The following TNPO2 variants were observed in gnomAD, a reference collection of about 807,000 sequenced individuals.
TNPO2 encodes transportin 2, also known as transportin-2.
Under a neutral mutation model 111.1 loss-of-function variants are expected in TNPO2, and 16 were observed. The observed-to-expected ratio is 0.14, with a 90% CI of 0.10 to 0.22. TNPO2 has a LOEUF of 0.22. Ranked by LOEUF, TNPO2 falls within the 10% of genes least tolerant of loss-of-function variation. The pLI, the probability that TNPO2 is intolerant of heterozygous loss-of-function variation, is 1.00. For synonymous variants in TNPO2, 481 were observed against 475.8 expected (o/e 1.01, Z -0.14); for missense variants, 530 against 1,173.7 (o/e 0.45, Z 8.01).
rs762836188 is a variant in TNPO2 at position 12,706,543 on chromosome 19, G to T, written c.1496+27C>A. ...AGAGGGTGGCCGGGGGAGAGTGGGGGCTGTGGGATCAGGGGTCCAGGGTCA... is the reference window on the plus strand; with the variant it reads ...AGAGGGTGGCCGGGGGAGAGTGGGGTCTGTGGGATCAGGGGTCCAGGGTCA... On this transcript the variant is annotated intron_variant, in intron 14 of 25. Transcript: ENST00000425528. This position sits in a 1 kb window ranked among gnomAD's most constrained non-coding sequence, Gnocchi z 7.0. 1 of 1,610,070 alleles carries T rather than the reference G, an allele frequency of 6.2e-7. No individual in the cohort carries two copies. The highest frequency in any genetic ancestry group is 1.1e-5 in the South Asian group (1 of 90,992).
At position 12,705,546 on chromosome 19, in the gene TNPO2, C is replaced by T. The variant is rs751911751; in HGVS notation, c.1809G>A (p.Glu603=). 9.3e-6 allele frequency: 15 copies of T among 1,605,908 alleles called. No homozygotes were observed. Among genetic ancestry groups the T allele is most frequent in the Non-Finnish European group, 1.3e-5 (15 of 1,176,874 alleles). ...ALQSGFLPYC[E]PVYQRCVTLV... is the part of the protein sequence containing the mutation. ...GGGTGACACAGCGCTGGTAGACGGG[C>T]TCACAGTAAGGCAGGAAGCCACTCT... The change falls in exon 17 of 26, where the codon GAG becomes GAA. Residue 603 remains glutamate (E), a synonymous_variant. Coordinates refer to ENST00000425528, the MANE Select transcript of TNPO2 (RefSeq NM_001382241.1). The surrounding 1 kb of genome is among the most constrained non-coding windows in gnomAD (Gnocchi z 7.2).
At position 12,706,873 on chromosome 19, in the gene TNPO2, G is replaced by A. The variant is rs549106214; in HGVS notation, c.1271-78C>T. On this transcript the variant is annotated intron_variant, in intron 13 of 25. Coordinates refer to ENST00000425528, the MANE Select transcript of TNPO2 (RefSeq NM_001382241.1). The surrounding 1 kb of genome is among the most constrained non-coding windows in gnomAD (Gnocchi z 7.0). ...CACCGTATGGAGAGAAGAGTCAGCC[G>A]CACACAACATATAGGGAAACTGAGG... 4.8e-5 allele frequency: 58 copies of A among 1,200,048 alleles called. 1 individual carries two copies. Among genetic ancestry groups the A allele is most frequent in the East Asian group, 3.8e-4 (15 of 39,206 alleles). 74.3% of individuals were successfully genotyped at this position (1,200,048 alleles called of 1,614,324 possible).
chr19:12,720,318 CTA>C, intron 3 of TNPO2, among the ~76,000 whole-genome samples: 1 of 151,928 alleles, frequency 6.6e-6, no homozygotes, highest in Non-Finnish European at 1.5e-5. Context: ...CGCGCCTGGC[CTA>C]TATATCTTTT....
chr19:12,711,883 T>TTAA (rs983432378), intron 10 of TNPO2, among the ~76,000 whole-genome samples: 2 of 149,798 alleles, frequency 1.3e-5, no homozygotes, highest in Middle Eastern at 3.2e-3. Flanking sequence ...TTTTTTTTTC[T>TTAA]TAAGAAGCAG....
rs756885356 is a variant in TNPO2 at position 12,705,929 on chromosome 19, C to A, written c.1669-161G>T. On this transcript the variant is annotated intron_variant, in intron 15 of 25. Transcript: ENST00000425528. This position sits in a 1 kb window ranked among gnomAD's most constrained non-coding sequence, Gnocchi z 7.2. ...GACCTCGAGGCCTTCATTCTTCTCA[C>A]CTGTCCAAGCACCGCCCGCCCCACC... 1 of 695,504 alleles carries A rather than the reference C, an allele frequency of 1.4e-6. No individual in the cohort carries two copies. Among genetic ancestry groups the A allele is most frequent in the Non-Finnish European group, 2.4e-6 (1 of 425,358 alleles). 43.1% of individuals were successfully genotyped at this position (695,504 alleles called of 1,614,324 possible).
intron 13 of TNPO2, among the ~76,000 whole-genome samples, chr19:12,709,793 ATTTT>A (rs896974817): frequency 6.6e-6 from 1 of 151,786 alleles, no homozygotes; most frequent in Non-Finnish European, 1.5e-5. Context: ...TTTTTAAAAA[ATTTT>A]TTGTAGAAAG....
chr19:12,706,498 C>A lies in TNPO2; in HGVS notation c.1496+72G>T. Reference sequence around the variant, plus strand: ...GATAAATCAGTTCCACATCAACAGTCACAGGTGTCATCACTTCCCAGAGGG... The same window carrying A: ...GATAAATCAGTTCCACATCAACAGTAACAGGTGTCATCACTTCCCAGAGGG... On this transcript the variant is annotated intron_variant, in intron 14 of 25. Coordinates refer to ENST00000425528, the MANE Select transcript of TNPO2 (RefSeq NM_001382241.1). This position sits in a 1 kb window ranked among gnomAD's most constrained non-coding sequence, Gnocchi z 7.0. 6.3e-7 allele frequency: 1 copy of A among 1,579,738 alleles called. No individual in the cohort carries two copies. Among genetic ancestry groups the A allele is most frequent in the South Asian group, 1.1e-5 (1 of 90,204 alleles).
Position 12,709,360 on chromosome 19 carries a change from CAAAT to C in TNPO2, c.1270+1257_1270+1260del, listed in dbSNP as rs368877693. On this transcript the variant is annotated intron_variant, in intron 13 of 25. Transcript: ENST00000425528. Reference sequence around the variant, plus strand: ...CTGGCGAGAAAGCAAGACTCAGTCTCAAATAAATAAATAAATAACACAGCTTATG... The same window carrying C: ...CTGGCGAGAAAGCAAGACTCAGTCTCAAATAAATAAATAACACAGCTTATG... Among the ~76,000 whole-genome samples the C allele has an allele frequency of 2.5e-3, 383 of 152,124 alleles. 2 individuals carry two copies. Among genetic ancestry groups the C allele is most frequent in the Non-Finnish European group, 4.5e-3 (305 of 67,996 alleles).
In TNPO2 at chr19:12,701,505, C is replaced by T. The variant is rs186861285; in HGVS notation, c.2587-52G>A. 26 of 1,589,840 alleles carry T rather than the reference C, an allele frequency of 1.6e-5. No homozygotes were observed. Among genetic ancestry groups the T allele is most frequent in the Middle Eastern group, 1.7e-4 (1 of 6,010 alleles). On this transcript the variant is annotated intron_variant, in intron 24 of 25. Transcript: ENST00000425528. The surrounding 1 kb of genome is among the most constrained non-coding windows in gnomAD (Gnocchi z 5.0). ...AGGCAGGGGCAGAACAAGGGGAGTG[C>T]GCCTCTTCCCCCATCCCCAGGCCCC...
intron 3 of TNPO2, among the ~76,000 whole-genome samples, chr19:12,720,232 G>C (rs182565725): frequency 1.3e-5 from 2 of 152,232 alleles, no homozygotes; most frequent in East Asian, 3.9e-4. Context: ...TGGCCAGGCT[G>C]GTCTCAAAAC....
At chr19:12,707,228 AC>A (rs1372020998) in intron 13 of TNPO2, among the ~76,000 whole-genome samples, 1 of 151,880 alleles carries the variant, frequency 6.6e-6, no homozygotes, top group Non-Finnish European at 1.5e-5. Context: ...CAGTCTCCTG[AC>A]CTCGTGATCC....
At chr19:12,707,428 G>C (rs2025751464) in intron 13 of TNPO2, among the ~76,000 whole-genome samples, 1 of 151,294 alleles carries the variant, frequency 6.6e-6, no homozygotes, top group African/African-American at 2.4e-5. Context: ...GACCCAAATG[G>C]AATAAAAGCA....
chr19:12,714,713 T>C, intron 10 of TNPO2, 108 bp downstream of exon 10: 1 of 869,950 alleles, frequency 1.1e-6, no homozygotes, highest in Non-Finnish European at 1.9e-6. Flanking sequence ...GAATGTAAAC[T>C]GACAAGGATG....
At position 12,705,315 on chromosome 19, in the gene TNPO2, G is replaced by A. The variant is rs370891949; in HGVS notation, c.1947C>T (p.Ala649=). The A allele has an allele frequency of 8.1e-5, 130 of 1,597,196 alleles. 1 individual carries two copies. In the South Asian group the frequency reaches 1.1e-3, roughly 14 times the overall value. The change falls in exon 18 of 26, where the codon GCC becomes GCT. Residue 649 remains alanine (A), a synonymous_variant. Transcript: ENST00000425528. The surrounding 1 kb of genome is among the most constrained non-coding windows in gnomAD (Gnocchi z 7.2). ...GCTCCACGTGACCACCCAGGCCCTC[G>A]GCCAGGCCGCTGAGCAGATCCAGTG... ...IVALDLLSGL[A]EGLGGHVEQL...
intron 20 of TNPO2, 141 bp downstream of exon 20, chr19:12,703,287 A>G: frequency 1.4e-6 from 1 of 698,932 alleles, no homozygotes; most frequent in South Asian, 1.8e-5. Flanking sequence ...CCAATCACAA[A>G]TGACCTTTCT....
At chr19:12,707,605 A>T (rs1324083004) in intron 13 of TNPO2, among the ~76,000 whole-genome samples, 2 of 138,724 alleles carry the variant, frequency 1.4e-5, no homozygotes, top group Non-Finnish European at 3.0e-5. Flanking sequence ...TTTCCTGCCT[A>T]AGCCTCCCAA....
rs780546788 is a variant in TNPO2, at chr19:12,719,331, G to A, written c.105C>T (p.Leu35=). The part of the protein sequence containing the change: ...TATQRIVQDK[L]KQLNQFPDFN... ...AGTCAGGAAACTGATTGAGTTGTTTGAGTTTCTGCCAGGCTGTTAAGGGAC... is the reference window on the plus strand; with the variant it reads ...AGTCAGGAAACTGATTGAGTTGTTTAAGTTTCTGCCAGGCTGTTAAGGGAC... Residue 35 remains leucine (L), a synonymous_variant, in exon 4 of 26, where the codon CTC becomes CTT. Transcript: ENST00000425528. This position sits in a 1 kb window ranked among gnomAD's most constrained non-coding sequence, Gnocchi z 5.0. The A allele has an allele frequency of 3.1e-6, 5 of 1,613,762 alleles. No individual in the cohort carries two copies. Among genetic ancestry groups the A allele is most frequent in the Non-Finnish European group, 4.2e-6 (5 of 1,179,842 alleles).
chr19:12,719,078 C>T lies in TNPO2; in HGVS notation c.276G>A (p.Glu92=). The change falls in exon 5 of 26, where the codon GAG becomes GAA. Residue 92 remains glutamate (E), a synonymous_variant. Coordinates refer to ENST00000425528, the MANE Select transcript of TNPO2 (RefSeq NM_001382241.1). This position sits in a 1 kb window ranked among gnomAD's most constrained non-coding sequence, Gnocchi z 5.0. ...PPPVADFIKQ[E]CLNNIGDASS... Reference sequence around the variant, plus strand: ...AGGCATCGCCAATGTTGTTGAGACACTCCTGTTTGATGAAGTCTGCCACAG... The same window carrying T: ...AGGCATCGCCAATGTTGTTGAGACATTCCTGTTTGATGAAGTCTGCCACAG... The T allele has an allele frequency of 6.2e-7, 1 of 1,614,024 alleles. No homozygotes were observed. The highest frequency in any genetic ancestry group is 8.5e-7 in the Non-Finnish European group (1 of 1,179,910).
chr19:12,703,757 T>A lies in TNPO2; in HGVS notation c.2067A>T (p.Gly689=), dbSNP rs776506707. 6 of 1,606,256 alleles carry A rather than the reference T, an allele frequency of 3.7e-6. No homozygotes were observed. The highest frequency in any genetic ancestry group is 5.1e-6 in the Non-Finnish European group (6 of 1,176,414). The change falls in exon 19 of 26, where the codon GGA becomes GGT. Residue 689 remains glycine, a synonymous_variant. Coordinates refer to ENST00000425528, the MANE Select transcript of TNPO2 (RefSeq NM_001382241.1). ...GGATGAAGCAGGCTTTGGTGAGGTC[T>A]CCCAGGAGGGCAAAGGAGCTCTGCC... is the stretch of plus-strand genomic sequence containing the variant. The part of the protein sequence containing the change: ...EVRQSSFALL[G]DLTKACFIHV...
Sources: allele counts gnomAD v4.1 joint callset (sites outside exome capture counted in the v4.1 genomes callset), GRCh38; gene constraint gnomAD v4.1.1; non-coding constraint Gnocchi (gnomAD v3.1); transcripts MANE v1.5; gene names NCBI Gene and HGNC (gene_info 2026-07-23, HGNC 2026-07-21).